HPSE2: variants seen among roughly 807,000 people sequenced by gnomAD.
The protein encoded by HPSE2 is heparanase 2 (inactive).
A neutral mutation model predicts 60.5 loss-of-function variants in HPSE2; 38 were observed. The ratio of observed to expected loss-of-function variants is 0.63; its 90% CI spans 0.48 to 0.82. HPSE2 has a LOEUF of 0.82. Ranked by LOEUF, HPSE2 falls within the 40% of genes least tolerant of loss-of-function variation. The pLI, the probability that HPSE2 is intolerant of heterozygous loss-of-function variation, is 0.00. For missense variants in HPSE2, 713 were observed against 740.4 expected, an observed-to-expected ratio of 0.96 and a Z score of 0.43; for synonymous variants, 295 against 293.2, an observed-to-expected ratio of 1.01 and a Z score of -0.06.
At chr10:98,835,787 T>C (rs1223878252) in intron 3 of HPSE2, among the ~76,000 whole-genome samples, 1 of 152,204 alleles carries the variant, frequency 6.6e-6, no homozygotes, top group African/African-American at 2.4e-5. Flanking sequence ...TCTCAAGTTC[T>C]TGTGTCTGTA....
chr10:99,232,473 A>C lies in HPSE2; in HGVS notation c.323T>G (p.Leu108Arg). 6.4e-7 allele frequency: 1 copy of C among 1,556,744 alleles called. No individual in the cohort carries two copies. Among genetic ancestry groups the C allele is most frequent in the East Asian group, 2.4e-5 (1 of 41,500 alleles). The change falls in exon 2 of 12, where the codon CTT becomes CGT. Residue 108 changes from leucine (L) to arginine (R), a missense_variant. Coordinates refer to ENST00000370552, the MANE Select transcript of HPSE2 (RefSeq NM_021828.5). ...CCCGAAGCGCAGAAAGGCGGGCGAAAGTCCCCGGGCCAGGGTCACCAAGCG... is the reference window on the plus strand; with the variant it reads ...CCCGAAGCGCAGAAAGGCGGGCGAACGTCCCCGGGCCAGGGTCACCAAGCG... ...SKRLVTLARG[L>R]SPAFLRFGGK...
At chr10:99,043,656 T>C (rs990722130) in intron 3 of HPSE2, among the ~76,000 whole-genome samples, 6 of 152,082 alleles carry the variant, frequency 3.9e-5, no homozygotes, top group African/African-American at 1.4e-4. Context: ...GATACAATAG[T>C]AATTTTAACA....
chr10:98,596,272 C>T (rs1945234621), intron 9 of HPSE2, among the ~76,000 whole-genome samples: 2 of 152,168 alleles, frequency 1.3e-5, no homozygotes, highest in Non-Finnish European at 2.9e-5. Context: ...TTTGATACAA[C>T]AATTTAAATA....
rs1451687923 is a variant in HPSE2, at chr10:98,595,323, C to T, written c.1320+19581G>A. Among the ~76,000 whole-genome samples, 3 of 151,992 alleles carry T rather than the reference C, an allele frequency of 2.0e-5. No individual in the cohort carries two copies. The East Asian group carries it at 5.8e-4, about 29-fold the overall frequency. ...TAGCTGGGACTACAGATGCCCACCA[C>T]CACACCTGGCAAATTTTTTTGTATT... On this transcript the variant is annotated intron_variant, in intron 9 of 11. Coordinates refer to ENST00000370552, the MANE Select transcript of HPSE2 (RefSeq NM_021828.5).
At chr10:98,984,423 C>G (rs975529492) in intron 3 of HPSE2, among the ~76,000 whole-genome samples, 4 of 152,218 alleles carry the variant, frequency 2.6e-5, no homozygotes, top group African/African-American at 9.6e-5. Context: ...AGAACTGCAG[C>G]TGAGGGTCCT....
At chr10:98,492,867 AGTT>A (rs1367165949) in intron 9 of HPSE2, among the ~76,000 whole-genome samples, 1 of 152,228 alleles carries the variant, frequency 6.6e-6, no homozygotes, top group Non-Finnish European at 1.5e-5. Context: ...TTAAGTGTAC[AGTT>A]CAGTGGTATT....
At chr10:98,566,768 T>A (rs1944357490) in intron 9 of HPSE2, among the ~76,000 whole-genome samples, 1 of 152,020 alleles carries the variant, frequency 6.6e-6, no homozygotes, top group South Asian at 2.1e-4. Flanking sequence ...CTCCACTTCC[T>A]AAGGTGGGAC....
chr10:98,836,107 C>G (rs941896059), intron 3 of HPSE2, among the ~76,000 whole-genome samples: 1 of 152,206 alleles, frequency 6.6e-6, no homozygotes, highest in African/African-American at 2.4e-5. Flanking sequence ...CAGCAATATG[C>G]TTTTTGTTTC....
intron 3 of HPSE2, among the ~76,000 whole-genome samples, chr10:99,066,141 C>G (rs1023101065): frequency 2.0e-5 from 3 of 152,184 alleles, no homozygotes; most frequent in African/African-American, 7.2e-5. Flanking sequence ...GCAGTAAATA[C>G]TCAACCCCAA....
intron 11 of HPSE2, 104 bp from the exon 12 acceptor site, chr10:98,459,843 C>T (rs1940208454): frequency 1.9e-6 from 2 of 1,046,204 alleles, no homozygotes; most frequent in Admixed American, 4.0e-5. Context: ...TACACACACA[C>T]AGCTGACACT....
At chr10:98,596,035 A>G (rs1945226483) in intron 9 of HPSE2, among the ~76,000 whole-genome samples, 3 of 152,324 alleles carry the variant, frequency 2.0e-5, no homozygotes, top group African/African-American at 7.2e-5. Context: ...CCATTCTTGC[A>G]TCCCTGGGAT....
chr10:98,594,677 A>G (rs548501004), intron 9 of HPSE2, among the ~76,000 whole-genome samples: 1 of 152,234 alleles, frequency 6.6e-6, no homozygotes, highest in East Asian at 1.9e-4. Flanking sequence ...GTGTATATAT[A>G]CCACATTTTA....
intron 11 of HPSE2, among the ~76,000 whole-genome samples, chr10:98,472,105 T>C (rs1052437220): frequency 4.6e-5 from 7 of 152,146 alleles, no homozygotes; most frequent in Non-Finnish European, 7.4e-5. Flanking sequence ...TTAACAAGAT[T>C]TGTGAGGCTC....
At chr10:98,880,967 C>T (rs1953005926) in intron 3 of HPSE2, among the ~76,000 whole-genome samples, 1 of 152,046 alleles carries the variant, frequency 6.6e-6, no homozygotes, top group Admixed American at 6.6e-5. Context: ...GGGAAGTCTG[C>T]CATGCCAGCA....
intron 9 of HPSE2, among the ~76,000 whole-genome samples, chr10:98,502,517 A>T (rs1942060699): frequency 6.6e-6 from 1 of 152,238 alleles, no homozygotes; most frequent in Non-Finnish European, 1.5e-5. Flanking sequence ...ATGAAACTGG[A>T]TCCTCATCTC....
intron 3 of HPSE2, among the ~76,000 whole-genome samples, chr10:99,141,909 T>A (rs777361709): frequency 6.6e-6 from 1 of 152,224 alleles, no homozygotes; most frequent in Non-Finnish European, 1.5e-5. Context: ...GTCCCATTTT[T>A]AAAATAAAGA....
chr10:98,913,374 C>T (rs923774366), intron 3 of HPSE2, among the ~76,000 whole-genome samples: 7 of 152,126 alleles, frequency 4.6e-5, no homozygotes, highest in African/African-American at 1.4e-4. Context: ...TATTTATCTG[C>T]TTTAATAGAA....
chr10:99,103,559 C>A (rs944385466), intron 3 of HPSE2, among the ~76,000 whole-genome samples: 4 of 152,158 alleles, frequency 2.6e-5, no homozygotes, highest in African/African-American at 9.7e-5. Context: ...CCATACTGCC[C>A]AAGGTCATTT....
Position 98,882,039 on chromosome 10 carries a change from C to T in HPSE2, c.611-137983G>A, listed in dbSNP as rs543445688. On this transcript the variant is annotated intron_variant, in intron 3 of 11. Transcript: ENST00000370552. ...CTTTCTGTGACCAATGGTAAGCTAG[C>T]AGAGGTGACAGGCAAAAGCCCAGCT... Among the ~76,000 whole-genome samples the T allele has an allele frequency of 7.9e-5, 12 of 152,148 alleles. No individual in the cohort carries two copies. In the South Asian group the frequency reaches 2.3e-3, roughly 29 times the overall value.
Sources: gnomAD v4.1 joint callset for allele counts (sites outside exome capture counted in the v4.1 genomes callset) on GRCh38, gnomAD v4.1.1 for gene constraint, MANE v1.5 for transcripts, NCBI Gene and HGNC (gene_info 2026-07-23, HGNC 2026-07-21) for gene names.